Variants in MINDY4 observed in about 807,000 individuals in gnomAD.
The protein encoded by MINDY4 is MINDY lysine 48 deubiquitinase 4.
Under a neutral mutation model 87.0 loss-of-function variants are expected in MINDY4, and 68 were observed. The ratio of observed to expected loss-of-function variants is 0.78; its 90% confidence interval spans 0.64 to 0.96. The LOEUF (loss-of-function observed/expected upper bound fraction) is 0.96, where lower values mean the gene tolerates loss of function less well. Among genes scored for constraint, MINDY4 ranks in the 40% least tolerant of loss-of-function variants. The pLI is 0.00. For missense variants in MINDY4, 919 were observed against 928.2 expected, an observed-to-expected ratio of 0.99 and a Z score of 0.13; for synonymous variants, 379 against 363.2, an observed-to-expected ratio of 1.04 and a Z score of -0.50.
chr7:30,809,638 CT>C (rs1399298181), intron 5 of MINDY4, among the ~76,000 whole-genome samples: 2 of 151,512 alleles, frequency 1.3e-5, no homozygotes, highest in Non-Finnish European at 2.9e-5. Context: ...AAATCCCAAA[CT>C]TACAAGTGTT....
At chr7:30,791,616 C>T (rs1787326180) in intron 5 of MINDY4, 42 bp downstream of exon 5, 3 of 1,550,990 alleles carry the variant, frequency 1.9e-6, no homozygotes, top group South Asian at 1.3e-5. Flanking sequence ...CAAAAAGAAG[C>T]TCCACCTCTC....
At chr7:30,791,735 A>G (rs1337470527) in intron 5 of MINDY4, among the ~76,000 whole-genome samples, 161 bp downstream of exon 5, 1 of 152,248 alleles carries the variant, frequency 6.6e-6, no homozygotes, top group African/African-American at 2.4e-5. Context: ...ATGGTCAACC[A>G]GGAAGAAAAC....
At chr7:30,879,181 G>C (rs1255922620) in intron 15 of MINDY4, among the ~76,000 whole-genome samples, 1 of 151,732 alleles carries the variant, frequency 6.6e-6, no homozygotes, top group Non-Finnish European at 1.5e-5. Flanking sequence ...TGTATTTGGA[G>C]AAAGGGCCTT....
At chr7:30,830,259 C>T (rs891923835) in intron 6 of MINDY4, among the ~76,000 whole-genome samples, 1 of 152,104 alleles carries the variant, frequency 6.6e-6, no homozygotes, top group African/African-American at 2.4e-5. Context: ...GGTGGCCTTG[C>T]CTTTTTGGAG....
intron 15 of MINDY4, among the ~76,000 whole-genome samples, chr7:30,880,010 T>G (rs1343659204): frequency 1.3e-5 from 2 of 152,234 alleles, no homozygotes; most frequent in Non-Finnish European, 2.9e-5. Flanking sequence ...GTTTGATTAT[T>G]TAATTAATGT....
chr7:30,773,350 G>A (rs1786702858), intron 1 of MINDY4, among the ~76,000 whole-genome samples: 1 of 152,154 alleles, frequency 6.6e-6, no homozygotes. Context: ...AGACCAGGAG[G>A]CCAAGAAACT....
chr7:30,886,497 T>A (rs558427790), intron 17 of MINDY4, among the ~76,000 whole-genome samples: 249 of 152,340 alleles, frequency 1.6e-3, no homozygotes, highest in Non-Finnish European at 2.2e-3. Flanking sequence ...GCACCCCCTG[T>A]TATCACCTCT....
intron 2 of MINDY4, among the ~76,000 whole-genome samples, chr7:30,778,986 A>T (rs559904048): frequency 3.3e-5 from 5 of 152,252 alleles, no homozygotes; most frequent in Admixed American, 6.5e-5. Flanking sequence ...CTCCTGTGAC[A>T]TATAATTTAG....
chr7:30,840,134 G>A (rs1172058895), intron 8 of MINDY4, among the ~76,000 whole-genome samples: 1 of 152,192 alleles, frequency 6.6e-6, no homozygotes, highest in Non-Finnish European at 1.5e-5. Flanking sequence ...GTGTTGTTCA[G>A]TCCCACTAGC....
intron 5 of MINDY4, among the ~76,000 whole-genome samples, chr7:30,822,810 AT>A (rs759442726): frequency 2.1e-3 from 297 of 140,488 alleles, no homozygotes; most frequent in Admixed American, 2.1e-3. Context: ...TAATTTTTGA[AT>A]TTTTTTTTTT....
Position 30,823,894 on chromosome 7 carries a change from C to A in MINDY4, c.1074-4785C>A, listed in dbSNP as rs371530664. Among the ~76,000 whole-genome samples the A allele has an allele frequency of 3.0e-4, 46 of 152,282 alleles. 1 individual carries two copies. The highest frequency in any genetic ancestry group is 1.1e-3 in the African/African-American group (44 of 41,552). On this transcript the variant is annotated intron_variant, in intron 5 of 17. Transcript: ENST00000265299. ...TGAACTGGTTTGTAGGAATGCTCTG[C>A]CAGATAATTTTACATTGCTTTGGTT...
At chr7:30,813,106 C>T (rs987866097) in intron 5 of MINDY4, among the ~76,000 whole-genome samples, 3 of 152,148 alleles carry the variant, frequency 2.0e-5, no homozygotes, top group African/African-American at 4.8e-5. Flanking sequence ...GAACCAAGGA[C>T]ACGGGATTTT....
chr7:30,771,967 C>G (rs1786653400), intron 1 of MINDY4, among the ~76,000 whole-genome samples: 1 of 152,248 alleles, frequency 6.6e-6, no homozygotes, highest in Non-Finnish European at 1.5e-5. Context: ...AGAACTTCTC[C>G]CAGAGGGAAC....
At chr7:30,796,867 T>TC (rs1245546908) in intron 5 of MINDY4, 1 of 149,206 alleles carries the variant, frequency 6.7e-6, no homozygotes, top group East Asian at 1.9e-4. Flanking sequence ...AGACTTGATT[T>TC]CAGACTCTGA....
At chr7:30,830,731 G>A (rs546738545) in intron 6 of MINDY4, among the ~76,000 whole-genome samples, 1 of 152,210 alleles carries the variant, frequency 6.6e-6, no homozygotes, top group East Asian at 1.9e-4. Flanking sequence ...ATTTGGGTGG[G>A]GACACAGCCA....
chr7:30,806,984 A>G (rs1402112998), intron 5 of MINDY4, among the ~76,000 whole-genome samples: 1 of 152,252 alleles, frequency 6.6e-6, no homozygotes, highest in Non-Finnish European at 1.5e-5. Flanking sequence ...AAGAGAGGAC[A>G]GTGGCATTTC....
At chr7:30,877,674 C>G (rs1790304003) in intron 15 of MINDY4, among the ~76,000 whole-genome samples, 1 of 132,900 alleles carries the variant, frequency 7.5e-6, no homozygotes, top group African/African-American at 3.5e-5. Flanking sequence ...TCTTCTTCTT[C>G]TTCTTCTTCT....
intron 11 of MINDY4, among the ~76,000 whole-genome samples, chr7:30,852,544 C>T (rs1789445444): frequency 7.5e-6 from 1 of 132,504 alleles, no homozygotes; most frequent in Admixed American, 8.9e-5. Flanking sequence ...TATGGAATGC[C>T]TTTTGGTTAA....
intron 13 of MINDY4, among the ~76,000 whole-genome samples, chr7:30,861,455 G>A (rs1201893517): frequency 6.6e-6 from 1 of 152,276 alleles, no homozygotes; most frequent in Non-Finnish European, 1.5e-5. Context: ...GAGGTGAGTA[G>A]GCTTCAAGAT....
Sources: allele counts gnomAD v4.1 joint callset (sites outside exome capture counted in the v4.1 genomes callset), GRCh38; gene constraint gnomAD v4.1.1; transcripts MANE v1.5; gene names NCBI Gene and HGNC (gene_info 2026-07-23, HGNC 2026-07-21).